ZNF69: variants seen among roughly 807,000 people sequenced by gnomAD.
ZNF69 encodes the protein zinc finger protein 69.
Under a neutral mutation model 50.9 loss-of-function variants are expected in ZNF69, and 47 were observed. The ratio of observed to expected loss-of-function variants is 0.92; its 90% CI spans 0.73 to 1.18. The LOEUF (loss-of-function observed/expected upper bound fraction) is 1.18. Ranked by LOEUF, ZNF69 falls within the 50% of genes most tolerant of loss-of-function variation. ZNF69 has a pLI of 0.00. For synonymous variants in ZNF69, 216 were observed against 223.1 expected, an observed-to-expected ratio of 0.97 and a Z score of 0.29; for missense variants, 717 against 675.1, an observed-to-expected ratio of 1.06 and a Z score of -0.69.
chr19:11,928,661 G>A, the ZNF69 span, among the ~76,000 whole-genome samples: 1 of 145,702 alleles, frequency 6.9e-6, no homozygotes, highest in African/African-American at 2.7e-5. Flanking sequence ...GAACCCGGGA[G>A]GCGGAGCTTG....
the ZNF69 span, among the ~76,000 whole-genome samples, chr19:11,941,461 G>A: frequency 1.4e-4 from 22 of 152,326 alleles, no homozygotes; most frequent in African/African-American, 2.9e-4. Context: ...AGCTAAGGCC[G>A]GGTGAGAAAT....
the ZNF69 span, chr19:11,965,257 T>TGGAACCGGCC: frequency 6.2e-7 from 1 of 1,613,036 alleles, no homozygotes; most frequent in Non-Finnish European, 8.5e-7. Context: ...AGAGGCTGCC[T>TGGAACCGGCC]GGAACCGGCC....
the ZNF69 span, chr19:11,979,497 C>A: frequency 0.077 from 123,275 of 1,592,656 alleles, 12,368 homozygotes; most frequent in African/African-American, 0.51. Context: ...TATTCTCCCA[C>A]GTCATTTCAA....
the ZNF69 span, among the ~76,000 whole-genome samples, chr19:11,964,344 C>T: frequency 2.0e-5 from 3 of 152,218 alleles, no homozygotes; most frequent in African/African-American, 4.8e-5. Flanking sequence ...GGGTTTGACA[C>T]GCATGGGGTC....
chr19:11,979,094 G>T, the ZNF69 span: 2 of 1,613,988 alleles, frequency 1.2e-6, no homozygotes, highest in Non-Finnish European at 1.7e-6. Context: ...ATGCGCTCTG[G>T]AGAAAGACCT....
At chr19:11,969,918 A>G in the ZNF69 span, among the ~76,000 whole-genome samples, 1 of 152,052 alleles carries the variant, frequency 6.6e-6, no homozygotes, top group Non-Finnish European at 1.5e-5. Context: ...ACACCCTCCT[A>G]TCTTTTCCTG....
In ZNF69 at chr19:11,906,232, G is replaced by A; in HGVS notation, c.*134G>A. ...CCTTCGAATTCAGTAAAGGACACAA[G>A]CACACATAAGAATGCATTCTGGATA... On this transcript the variant is annotated 3_prime_UTR_variant, in exon 4 of 4. Transcript: ENST00000429654. 1 of 1,515,850 alleles carries A rather than the reference G, an allele frequency of 6.6e-7. No homozygotes were observed. Among genetic ancestry groups the A allele is most frequent in the South Asian group, 1.4e-5 (1 of 72,206 alleles). 93.9% of individuals were successfully genotyped at this position (1,515,850 alleles called of 1,614,324 possible). A position where few individuals can be genotyped will look rare whatever the true frequency, so the allele number is the denominator to read the frequency against.
intron 1 of ZNF69, among the ~76,000 whole-genome samples, chr19:11,890,081 A>C (rs1977047185): frequency 6.6e-6 from 1 of 152,194 alleles, no homozygotes; most frequent in African/African-American, 2.4e-5. Context: ...TCGGCTTTAC[A>C]CAGAGACATT....
At chr19:11,920,163 G>C in the ZNF69 span, among the ~76,000 whole-genome samples, 7 of 150,548 alleles carry the variant, frequency 4.6e-5, no homozygotes, top group African/African-American at 1.7e-4. Flanking sequence ...CCAGGCTGGA[G>C]TGCAATGGCG....
intron 1 of ZNF69, among the ~76,000 whole-genome samples, chr19:11,893,979 C>T (rs1478529646): frequency 6.6e-6 from 1 of 152,202 alleles, no homozygotes; most frequent in East Asian, 1.9e-4. Context: ...AACAGCCACT[C>T]CAACATAGTG....
chr19:11,948,234 T>C, the ZNF69 span: 2 of 1,589,652 alleles, frequency 1.3e-6, no homozygotes, highest in Non-Finnish European at 1.7e-6. Flanking sequence ...ATAGAAGTAC[T>C]TGTAAACAAA....
At chr19:11,971,375 A>T in the ZNF69 span, among the ~76,000 whole-genome samples, 1 of 152,186 alleles carries the variant, frequency 6.6e-6, no homozygotes, top group African/African-American at 2.4e-5. Flanking sequence ...ATTCCCAGAG[A>T]TGTCAACTTC....
the ZNF69 span, among the ~76,000 whole-genome samples, chr19:11,941,599 C>T: frequency 6.6e-5 from 10 of 152,306 alleles, no homozygotes; most frequent in South Asian, 4.1e-4. Context: ...AGTGCGGGGC[C>T]GCCAAGCCCA....
chr19:11,972,159 C>A, the ZNF69 span, among the ~76,000 whole-genome samples: 1 of 151,422 alleles, frequency 6.6e-6, no homozygotes, highest in Non-Finnish European at 1.5e-5. Context: ...GTGATGTGTA[C>A]CTGTAGTCCC....
chr19:11,979,416 G>T, the ZNF69 span: 2 of 1,609,610 alleles, frequency 1.2e-6, no homozygotes, highest in South Asian at 1.1e-5. Flanking sequence ...ATTCATGAAA[G>T]GACACAAACA....
chr19:11,974,097 CTTT>C, the ZNF69 span, among the ~76,000 whole-genome samples: 1 of 92,526 alleles, frequency 1.1e-5, no homozygotes, highest in Non-Finnish European at 2.1e-5. Flanking sequence ...TTCTTTCTTT[CTTT>C]CTTTCTTTCT....
chr19:11,966,954 C>A, the ZNF69 span, among the ~76,000 whole-genome samples: 1 of 152,138 alleles, frequency 6.6e-6, no homozygotes, highest in Non-Finnish European at 1.5e-5. Context: ...GAAAAGAGGT[C>A]CTCATCAGAC....
At chr19:11,979,655 A>C in the ZNF69 span, 4 of 1,605,192 alleles carry the variant, frequency 2.5e-6, no homozygotes, top group Non-Finnish European at 3.4e-6. Flanking sequence ...GAAAGCCTTC[A>C]GATCTGCCTC....
chr19:11,933,476 C>T, the ZNF69 span, among the ~76,000 whole-genome samples: 2 of 147,826 alleles, frequency 1.4e-5, no homozygotes, highest in East Asian at 1.9e-4. Context: ...TATACAGAAG[C>T]GTGTCACAGG....
Sources: gnomAD v4.1 joint callset for allele counts (sites outside exome capture counted in the v4.1 genomes callset) on GRCh38, gnomAD v4.1.1 for gene constraint, MANE v1.5 for transcripts, NCBI Gene and HGNC (gene_info 2026-07-23, HGNC 2026-07-21) for gene names.